The following NAV1 variants were observed in gnomAD, a reference collection of about 807,000 sequenced individuals.
NAV1 encodes neuron navigator 1.
Under a neutral mutation model 175.2 loss-of-function variants are expected in NAV1, and 18 were observed. The observed-to-expected ratio is 0.10, with a 90% confidence interval of 0.07 to 0.15. The LOEUF is 0.15. Ranked by LOEUF, NAV1 falls within the 10% of genes least tolerant of loss-of-function variation. The pLI is 1.00. For synonymous variants in NAV1, 897 were observed against 978.7 expected (o/e 0.92, Z 1.56); for missense variants, 1,731 against 2,436.6 (o/e 0.71, Z 6.10).
chr1:201,772,681 C>T (rs1284735988), intron 3 of NAV1, among the ~76,000 whole-genome samples: 1 of 152,162 alleles, frequency 6.6e-6, no homozygotes, highest in Non-Finnish European at 1.5e-5. Context: ...GTTATACGCT[C>T]ATTCTGGATA....
intron 3 of NAV1, among the ~76,000 whole-genome samples, chr1:201,756,294 T>C (rs1310563371): frequency 6.6e-6 from 1 of 152,172 alleles, no homozygotes; most frequent in Non-Finnish European, 1.5e-5. Context: ...TCTTCAGTTC[T>C]CATGTGTTTT....
At chr1:201,737,665 A>T (rs1009497860) in intron 3 of NAV1, among the ~76,000 whole-genome samples, 4 of 151,760 alleles carry the variant, frequency 2.6e-5, no homozygotes, top group Non-Finnish European at 5.9e-5. Flanking sequence ...CATGCACAAG[A>T]CCCCTGTCCC....
chr1:201,650,278 C>T (rs891820925), intron 1 of NAV1, among the ~76,000 whole-genome samples: 1 of 152,238 alleles, frequency 6.6e-6, no homozygotes, highest in African/African-American at 2.4e-5. Context: ...GAAGCGGGCC[C>T]CGGAACTGCT....
At chr1:201,584,272 T>C (rs550537904) in intron 1 of NAV1, among the ~76,000 whole-genome samples, 86 of 152,326 alleles carry the variant, frequency 5.6e-4, no homozygotes, top group African/African-American at 2.0e-3. Context: ...CATGATACCA[T>C]GTTTTTAGGG....
intron 3 of NAV1, among the ~76,000 whole-genome samples, chr1:201,758,563 G>A (rs535291035): frequency 1.3e-5 from 2 of 152,286 alleles, no homozygotes; most frequent in South Asian, 2.1e-4. Context: ...AATCCCAAAT[G>A]TCAGAAACTA....
At position 201,788,096 on chromosome 1, in the gene NAV1, T is replaced by C. The variant is rs1327764364; in HGVS notation, c.2996-372T>C. On this transcript the variant is annotated intron_variant, in intron 9 of 29. Transcript: ENST00000367296. This position sits in a 1 kb window ranked among gnomAD's most constrained non-coding sequence, Gnocchi z 5.7. ...TCCTCCTGAGCTGGCAGTTGTGTTT[T>C]AGAGAACCACAGCATCTCATTTTCA... is the stretch of plus-strand genomic sequence containing the variant. Among the ~76,000 whole-genome samples the C allele has an allele frequency of 6.6e-6, 1 of 152,200 alleles. No homozygotes were observed. The highest frequency in any genetic ancestry group is 6.5e-5 in the Admixed American group (1 of 15,286).
intron 2 of NAV1, among the ~76,000 whole-genome samples, chr1:201,717,194 A>G (rs1672173967): frequency 6.6e-6 from 1 of 152,132 alleles, no homozygotes; most frequent in Non-Finnish European, 1.5e-5. Flanking sequence ...TCAATGTCCC[A>G]CTCCCATTCC....
intron 20 of NAV1, 26 bp from the exon 25 acceptor site, chr1:201,809,138 C>G: frequency 6.2e-7 from 1 of 1,606,930 alleles, no homozygotes; most frequent in East Asian, 2.2e-5. Context: ...CTCCTAAAAC[C>G]AGTTGGTTCT....
At chr1:201,752,802 T>G (rs12037669) in intron 3 of NAV1, among the ~76,000 whole-genome samples, 29,148 of 152,118 alleles carry the variant, frequency 0.19, 2,930 homozygotes, top group East Asian at 0.35. Flanking sequence ...CTGCCAATTG[T>G]GCAAAGACAT....
intron 1 of NAV1, among the ~76,000 whole-genome samples, chr1:201,624,287 A>G (rs1558023914): frequency 1.3e-5 from 2 of 151,384 alleles, no homozygotes; most frequent in East Asian, 1.9e-4. Flanking sequence ...AGCTTTTTTC[A>G]GACACTGCAA....
In NAV1 at chr1:201,637,267, AG is replaced by A. The variant is rs1668638696; in HGVS notation, c.4+7761del. ...GCTGGTTCAGACTAAGATGGGTAAAAGCTTCTCATTACTTTCGCAGTTGTCT... is the reference window on the plus strand; with the variant it reads ...GCTGGTTCAGACTAAGATGGGTAAAACTTCTCATTACTTTCGCAGTTGTCT... On this transcript the variant is annotated intron_variant, in intron 2 of 29. Coordinates refer to the NAV1 transcript ENST00000367302. Among the ~76,000 whole-genome samples, 3 of 152,320 alleles carry A rather than the reference AG, an allele frequency of 2.0e-5. No homozygotes were observed. In the South Asian group the frequency reaches 6.2e-4, roughly 32 times the overall value.
At chr1:201,661,665 A>G (rs113045780) in intron 1 of NAV1, among the ~76,000 whole-genome samples, 3 of 152,126 alleles carry the variant, frequency 2.0e-5, no homozygotes, top group Non-Finnish European at 4.4e-5. Context: ...GAGATGCTGC[A>G]TGGGAAAGGA....
chr1:201,768,684 T>C lies in NAV1; in HGVS notation c.1227-11737T>C, dbSNP rs377650933. Among the ~76,000 whole-genome samples, 11 of 150,406 alleles carry C rather than the reference T, an allele frequency of 7.3e-5. 1 individual carries two copies. Among genetic ancestry groups the C allele is most frequent in the African/African-American group, 2.7e-4 (11 of 40,914 alleles). On this transcript the variant is annotated intron_variant, in intron 3 of 29. Transcript: ENST00000367296. ...AAGAGTTTAGAATCCACAACCACAG[T>C]TTTGTAGCAAACAAGTGCTAAAGTG...
rs1678454411 is a variant in NAV1, at chr1:201,808,431, C to G, written c.3859C>G (p.Pro1287Ala). ...GCTATCTTACAGGGGCCCTGCTCACCCAGCCCCCCACACTAGGCTGTTCCA... is the reference window on the plus strand; with the variant it reads ...GCTATCTTACAGGGGCCCTGCTCACGCAGCCCCCCACACTAGGCTGTTCCA... The change falls in exon 19 of 30, where the codon CCA (proline) becomes GCA (alanine). Residue 1287 changes from proline (P) to alanine (A), a missense_variant. Transcript: ENST00000367296. The surrounding 1 kb of genome is among the most constrained non-coding windows in gnomAD (Gnocchi z 5.5). 6.2e-7 allele frequency: 1 copy of G among 1,612,294 alleles called. No individual in the cohort carries two copies. Among genetic ancestry groups the G allele is most frequent in the Non-Finnish European group, 8.5e-7 (1 of 1,178,874 alleles).
intron 2 of NAV1, among the ~76,000 whole-genome samples, chr1:201,615,746 C>T (rs964062850): frequency 7.9e-5 from 12 of 152,196 alleles, no homozygotes; most frequent in African/African-American, 2.9e-4. Flanking sequence ...GGATTTGAAC[C>T]CAGATCTTCC....
At chr1:201,674,341 A>G (rs1051930289) in intron 1 of NAV1, among the ~76,000 whole-genome samples, 2 of 152,044 alleles carry the variant, frequency 1.3e-5, no homozygotes, top group Non-Finnish European at 1.5e-5. Flanking sequence ...CGCACTACCC[A>G]TGATTCTGTT....
chr1:201,811,764 A>G lies in NAV1; in HGVS notation c.4952+7A>G. The G allele has an allele frequency of 6.2e-7, 1 of 1,603,548 alleles. No homozygotes were observed. The highest frequency in any genetic ancestry group is 8.5e-7 in the Non-Finnish European group (1 of 1,174,232). ...CCTGCAAGTATCATAAATGGTAAGTAAGCTGGGATCAAGACAAAATTCATC... is the reference window on the plus strand; with the variant it reads ...CCTGCAAGTATCATAAATGGTAAGTGAGCTGGGATCAAGACAAAATTCATC... On this transcript the variant is annotated splice_region_variant and intron_variant, in intron 25 of 29. Transcript: ENST00000367296.
At chr1:201,592,818 C>T (rs1284865378) in intron 2 of NAV1, among the ~76,000 whole-genome samples, 2 of 152,058 alleles carry the variant, frequency 1.3e-5, no homozygotes, top group Non-Finnish European at 2.9e-5. Context: ...GGAGGGGACC[C>T]AGTCTTTACC....
At chr1:201,783,629 G>A in exon 7 of NAV1, 1 of 1,614,162 alleles carries the variant, frequency 6.2e-7, no homozygotes, top group Non-Finnish European at 8.5e-7. Flanking sequence ...CCAGGGCCTG[G>A]AGCTAATGAG....
Sources: gnomAD v4.1 joint callset for allele counts (sites outside exome capture counted in the v4.1 genomes callset) on GRCh38, gnomAD v4.1.1 for gene constraint, Gnocchi (gnomAD v3.1) non-coding constraint, MANE v1.5 for transcripts, NCBI Gene and HGNC (gene_info 2026-07-23, HGNC 2026-07-21) for gene names.